JAK2: variants seen among roughly 807,000 people sequenced by gnomAD.
The protein encoded by JAK2 is tyrosine-protein kinase JAK2.
Under a neutral mutation model 139.3 loss-of-function variants are expected in JAK2, and 86 were observed. That is an observed-to-expected ratio of 0.62 (90% CI 0.52 to 0.74). JAK2 has a LOEUF of 0.74. JAK2 is among the 30% of genes least tolerant of loss of function. The pLI is 0.00. For missense variants in JAK2, 1,421 were observed against 1,360.3 expected (o/e 1.04, Z -0.70); for synonymous variants, 490 against 437.7 (o/e 1.12, Z -1.49).
intron 2 of JAK2, among the ~76,000 whole-genome samples, chr9:4,986,601 A>G (rs1462051245): frequency 6.6e-6 from 1 of 152,190 alleles, no homozygotes; most frequent in Non-Finnish European, 1.5e-5. Flanking sequence ...GTTTCATAAT[A>G]AGTTTGTACA....
intron 19 of JAK2, chr9:5,084,905 T>C (rs1482774188): frequency 4.3e-6 from 2 of 460,282 alleles, no homozygotes; most frequent in Non-Finnish European, 8.3e-6. Context: ...AAATGATTTT[T>C]GGTTATCTGC....
At chr9:5,016,734 G>T (rs1029908519) in intron 2 of JAK2, among the ~76,000 whole-genome samples, 1 of 152,122 alleles carries the variant, frequency 6.6e-6, no homozygotes, top group Non-Finnish European at 1.5e-5. Context: ...CCTCCTGCCA[G>T]TTATTCTCCA....
chr9:5,088,779 A>G (rs906964313), intron 19 of JAK2, among the ~76,000 whole-genome samples: 1 of 152,146 alleles, frequency 6.6e-6, no homozygotes, highest in African/African-American at 2.4e-5. Context: ...TGGGAGAGAG[A>G]GATTGCTCTA....
intron 2 of JAK2, among the ~76,000 whole-genome samples, chr9:4,987,443 G>T (rs1308278173): frequency 1.3e-5 from 2 of 152,098 alleles, no homozygotes; most frequent in African/African-American, 4.8e-5. Context: ...CTTAAGAGTT[G>T]CATTATTTAC....
intron 14 of JAK2, among the ~76,000 whole-genome samples, chr9:5,075,513 C>T (rs1232999661): frequency 6.6e-6 from 1 of 152,188 alleles, no homozygotes; most frequent in African/African-American, 2.4e-5. Flanking sequence ...TCTACTCTGC[C>T]TGTGCTCTAT....
At chr9:5,010,396 T>C (rs1285288456) in intron 2 of JAK2, among the ~76,000 whole-genome samples, 1 of 152,094 alleles carries the variant, frequency 6.6e-6, no homozygotes, top group Non-Finnish European at 1.5e-5. Flanking sequence ...ATGACCTCCG[T>C]TGCAACCTCT....
rs1235763331 is a variant in JAK2 at position 5,127,924 on chromosome 9, A to C, written c.*1133A>C. On this transcript the variant is annotated 3_prime_UTR_variant, in exon 25 of 25. Coordinates refer to ENST00000381652, the MANE Select transcript of JAK2 (RefSeq NM_004972.4). The stretch of plus-strand genomic sequence containing the variant: ...AAAGTATGCTTGTTAATTTTATTCA[A>C]GAATGCCAGTAGAAAATTCATAACG... 1 of 232,366 alleles carries C rather than the reference A, an allele frequency of 4.3e-6. No individual in the cohort carries two copies. Among genetic ancestry groups the C allele is most frequent in the Admixed American group, 5.6e-5 (1 of 17,738 alleles). The allele number at this position is 232,366 out of a possible 1,614,324, so 14.4% of individuals were successfully genotyped here.
intron 3 of JAK2, among the ~76,000 whole-genome samples, chr9:5,028,343 T>G (rs1822916724): frequency 6.6e-6 from 1 of 152,200 alleles, no homozygotes; most frequent in Non-Finnish European, 1.5e-5. Flanking sequence ...GCTTAAAATA[T>G]TCAGTAAACC....
chr9:5,005,619 T>A (rs1041898654), intron 2 of JAK2, among the ~76,000 whole-genome samples: 1 of 152,196 alleles, frequency 6.6e-6, no homozygotes, highest in Admixed American at 6.5e-5. Context: ...TCCAGTGTAA[T>A]TTTTTTCCTT....
chr9:5,104,985 T>G (rs137887731), intron 22 of JAK2, among the ~76,000 whole-genome samples: 3,409 of 152,284 alleles, frequency 0.022, 141 homozygotes, highest in African/African-American at 0.079. Context: ...AGCATTCCCT[T>G]TGAAAACTGG....
Position 5,128,737 on chromosome 9 carries a change from G to A in JAK2, c.*1946G>A, listed in dbSNP as rs1051351464. Among the ~76,000 whole-genome samples, 8 of 151,790 alleles carry A rather than the reference G, an allele frequency of 5.3e-5. No homozygotes were observed. Among genetic ancestry groups the A allele is most frequent in the African/African-American group, 1.7e-4 (7 of 41,396 alleles). ...AGAGACTTCTTTTCATTGAGGCTTC[G>A]TAAAGTTTTCCATTTTGATTCTGAC... On this transcript the variant is annotated 3_prime_UTR_variant, in exon 25 of 25. Transcript: ENST00000381652.
chr9:5,113,962 C>G lies in JAK2; in HGVS notation c.3060-9042C>G, dbSNP rs1234434092. 3 of 271,758 alleles carry G rather than the reference C, an allele frequency of 1.1e-5. No individual in the cohort carries two copies. The South Asian group carries it at 1.2e-4, about 11-fold the overall frequency. 16.8% of individuals were successfully genotyped at this position (271,758 alleles called of 1,614,324 possible). A position where few individuals can be genotyped will look rare whatever the true frequency, so the allele number is the denominator to read the frequency against. On this transcript the variant is annotated intron_variant, in intron 22 of 24. Transcript: ENST00000381652. ...CCTGTGCCTCATCTCTGGGTACACC[C>G]AGGTGCCATCAGCATCACCTGGCTG... is the stretch of plus-strand genomic sequence containing the variant.
intron 2 of JAK2, among the ~76,000 whole-genome samples, chr9:5,008,533 C>T (rs1262657942): frequency 1.3e-5 from 2 of 152,116 alleles, no homozygotes; most frequent in African/African-American, 2.4e-5. Flanking sequence ...TTGAGCAGCA[C>T]TAAGGGCCCA....
rs1487239173 is a variant in JAK2, at chr9:5,128,981, T to C, written c.*2190T>C. Among the ~76,000 whole-genome samples the C allele has an allele frequency of 1.3e-5, 2 of 152,022 alleles. No individual in the cohort carries two copies. Among genetic ancestry groups the C allele is most frequent in the African/African-American group, 4.8e-5 (2 of 41,448 alleles). ...ATGACTTTTTCCATGGGTACTTGTTTGGAAAATAGTCACTTTTTCACGCTA... is the reference window on the plus strand; with the variant it reads ...ATGACTTTTTCCATGGGTACTTGTTCGGAAAATAGTCACTTTTTCACGCTA... On this transcript the variant is annotated 3_prime_UTR_variant, in exon 25 of 25. Transcript: ENST00000381652.
At chr9:5,110,999 T>C in intron 22 of JAK2, 3 of 689,334 alleles carry the variant, frequency 4.4e-6, no homozygotes, top group Non-Finnish European at 7.6e-6. Flanking sequence ...CCGCTGCCCG[T>C]TGCCAACGGG....
At chr9:4,999,142 CT>C (rs902188489) in intron 2 of JAK2, among the ~76,000 whole-genome samples, 1 of 152,118 alleles carries the variant, frequency 6.6e-6, no homozygotes, top group Non-Finnish European at 1.5e-5. Context: ...GTCTTTTAAG[CT>C]TTTGCCTGTC....
intron 4 of JAK2, among the ~76,000 whole-genome samples, chr9:5,030,841 G>T (rs1000456574): frequency 6.6e-6 from 1 of 151,846 alleles, no homozygotes; most frequent in African/African-American, 2.4e-5. Flanking sequence ...AATTTGCACT[G>T]AGTTCAAAAA....
chr9:5,073,804 T>A lies in JAK2; in HGVS notation c.1864+19T>A. 6.9e-7 allele frequency: 1 copy of A among 1,443,454 alleles called. No homozygotes were observed. Among genetic ancestry groups the A allele is most frequent in the Non-Finnish European group, 9.7e-7 (1 of 1,030,012 alleles). 89.4% of individuals were successfully genotyped at this position (1,443,454 alleles called of 1,614,324 possible). On this transcript the variant is annotated intron_variant, in intron 14 of 24. Transcript: ENST00000381652. ...GACGAGAGTAAGTAAAACTACAGGC[T>A]TTCTAATGCCTTTCTCAGAGCATCT...
At chr9:4,986,043 C>T (rs1027205546) in intron 2 of JAK2, 21 bp downstream of exon 2, 1 of 152,614 alleles carries the variant, frequency 6.6e-6, no homozygotes, top group Non-Finnish European at 1.5e-5. Flanking sequence ...TGTCCTTTAT[C>T]GCTGCAGTAA....
Sources: allele counts gnomAD v4.1 joint callset (sites outside exome capture counted in the v4.1 genomes callset), GRCh38; gene constraint gnomAD v4.1.1; transcripts MANE v1.5; gene names NCBI Gene and HGNC (gene_info 2026-07-23, HGNC 2026-07-21).